KIAA1217: variants seen among roughly 807,000 people sequenced by gnomAD.
The protein encoded by KIAA1217 is sickle tail protein homolog.
A neutral mutation model predicts 163.9 loss-of-function variants in KIAA1217; 88 were observed. The ratio of observed to expected loss-of-function variants is 0.54; its 90% confidence interval spans 0.45 to 0.64. The LOEUF (loss-of-function observed/expected upper bound fraction) is 0.64. Ranked by LOEUF, KIAA1217 falls within the 30% of genes least tolerant of loss-of-function variation. The pLI, the probability that KIAA1217 is intolerant of heterozygous loss-of-function variation, is 0.00. For missense variants in KIAA1217, 2,372 were observed against 2,475.0 expected (o/e 0.96, Z 0.88); for synonymous variants, 903 against 923.1 (o/e 0.98, Z 0.39).
At chr10:24,075,125 C>A (rs1160129841) in intron 2 of KIAA1217, among the ~76,000 whole-genome samples, 1 of 117,294 alleles carries the variant, frequency 8.5e-6, no homozygotes, top group Non-Finnish European at 1.6e-5. Flanking sequence ...TAAATACACA[C>A]ACACACACAC....
intron 2 of KIAA1217, among the ~76,000 whole-genome samples, chr10:24,075,119 T>TACACACACACACACACACAC (rs71397929): frequency 4.6e-5 from 6 of 131,564 alleles, no homozygotes; most frequent in African/African-American, 1.6e-4. Context: ...TCCCCCTAAA[T>TACACACACACACACACACAC]ACACACACAC....
chr10:23,930,358 T>A (rs953695240), intron 1 of KIAA1217, among the ~76,000 whole-genome samples: 4 of 152,204 alleles, frequency 2.6e-5, no homozygotes, highest in Non-Finnish European at 4.4e-5. Flanking sequence ...TGTTTCTATG[T>A]CATCTTATAT....
chr10:23,770,064 C>G (rs1195791234), intron 1 of KIAA1217, among the ~76,000 whole-genome samples: 1 of 152,224 alleles, frequency 6.6e-6, no homozygotes, highest in African/African-American at 2.4e-5. Flanking sequence ...CTATCCTTCT[C>G]CATGTACAAT....
At chr10:24,142,537 C>A (rs1380689603) in intron 2 of KIAA1217, among the ~76,000 whole-genome samples, 1 of 152,120 alleles carries the variant, frequency 6.6e-6, no homozygotes, top group African/African-American at 2.4e-5. Flanking sequence ...GCACTAAAAT[C>A]CCAGACTTCA....
At chr10:24,137,764 T>C (rs10764449) in intron 2 of KIAA1217, among the ~76,000 whole-genome samples, 47,423 of 152,052 alleles carry the variant, frequency 0.31, 7,958 homozygotes, top group East Asian at 0.45. Context: ...AAGTATGAAG[T>C]GCTAATGCTT....
At chr10:24,032,610 C>A (rs1050417335) in intron 2 of KIAA1217, among the ~76,000 whole-genome samples, 13 of 152,162 alleles carry the variant, frequency 8.5e-5, no homozygotes, top group African/African-American at 3.1e-4. Flanking sequence ...TAAAGAGAGA[C>A]AGGAGCCTCG....
intron 1 of KIAA1217, among the ~76,000 whole-genome samples, chr10:23,819,398 AC>A (rs1264399881): frequency 6.6e-6 from 1 of 152,098 alleles, no homozygotes; most frequent in Non-Finnish European, 1.5e-5. Context: ...TTCAGGATCA[AC>A]CTTGAACCTG....
At chr10:24,119,548 G>T (rs896902672) in intron 2 of KIAA1217, among the ~76,000 whole-genome samples, 2 of 152,204 alleles carry the variant, frequency 1.3e-5, no homozygotes, top group Non-Finnish European at 2.9e-5. Flanking sequence ...AGCTACAGCT[G>T]TGTGTGTCTT....
At chr10:23,696,851 G>A (rs1348210762) in intron 1 of KIAA1217, among the ~76,000 whole-genome samples, 2 of 152,146 alleles carry the variant, frequency 1.3e-5, no homozygotes, top group East Asian at 1.9e-4. Context: ...GCACATAGTA[G>A]GTCATCAGCA....
intron 2 of KIAA1217, among the ~76,000 whole-genome samples, chr10:24,377,425 G>A (rs187784304): frequency 1.2e-4 from 19 of 152,212 alleles, no homozygotes; most frequent in African/African-American, 4.6e-4. Flanking sequence ...AGCAGCTTAG[G>A]GTAGCAGCTT....
chr10:24,280,279 C>T (rs1389012286), intron 2 of KIAA1217, among the ~76,000 whole-genome samples: 2 of 152,034 alleles, frequency 1.3e-5, no homozygotes, highest in East Asian at 1.9e-4. Context: ...AATAGGGGTC[C>T]GTATTTTAAG....
At chr10:24,356,875 C>T (rs996623849) in intron 2 of KIAA1217, among the ~76,000 whole-genome samples, 13 of 152,160 alleles carry the variant, frequency 8.5e-5, no homozygotes, top group African/African-American at 2.7e-4. Context: ...CAACATGATA[C>T]GGACTAAAAC....
intron 5 of KIAA1217, among the ~76,000 whole-genome samples, chr10:24,451,047 C>G (rs997729453): frequency 2.0e-5 from 3 of 152,102 alleles, no homozygotes; most frequent in African/African-American, 7.2e-5. Context: ...ATCCAGGGAC[C>G]TGGTTACAAC....
chr10:24,134,862 C>A (rs1039464169), intron 2 of KIAA1217, among the ~76,000 whole-genome samples: 3 of 152,140 alleles, frequency 2.0e-5, no homozygotes, highest in Admixed American at 6.5e-5. Context: ...CAGGTGTGAG[C>A]TACCACGCCC....
At chr10:24,450,012 G>T (rs1212351780) in intron 5 of KIAA1217, among the ~76,000 whole-genome samples, 1 of 152,088 alleles carries the variant, frequency 6.6e-6, no homozygotes, top group Non-Finnish European at 1.5e-5. Flanking sequence ...AAATCTTGTG[G>T]TCTAGTTTCT....
Position 24,543,740 on chromosome 10 carries a change from T to C in KIAA1217, c.4470T>C (p.Asp1490=), listed in dbSNP as rs1233397690. ...IEEEEEEENG[D]SVVQNNNTSQ... ...AGGAGGAAGAGGAGGAAAATGGGGA[T>C]TCTGTAGTCCAGAATAATAACACTT... Residue 1490 remains aspartate (D), a synonymous_variant, in exon 19 of 21, where the codon GAT becomes GAC. Transcript: ENST00000376454. 1 of 1,613,370 alleles carries C rather than the reference T, an allele frequency of 6.2e-7. No individual in the cohort carries two copies. Among genetic ancestry groups the C allele is most frequent in the Non-Finnish European group, 8.5e-7 (1 of 1,179,754 alleles).
At position 24,457,803 on chromosome 10, in the gene KIAA1217, C is replaced by T. The variant is rs141716355; in HGVS notation, c.847-15425C>T. On this transcript the variant is annotated intron_variant, in intron 5 of 20. Transcript: ENST00000376454. ...GGAAGTCTTTCCTTCCTGGAGGCAACGGGTAAGAAGAGCAACTAGACAGTG... is the reference window on the plus strand; with the variant it reads ...GGAAGTCTTTCCTTCCTGGAGGCAATGGGTAAGAAGAGCAACTAGACAGTG... Among the ~76,000 whole-genome samples, 318 of 152,162 alleles carry T rather than the reference C, an allele frequency of 2.1e-3. 1 individual carries two copies. The highest frequency in any genetic ancestry group is 7.1e-3 in the African/African-American group (293 of 41,502).
At chr10:24,511,945 A>G (rs889390442) in intron 9 of KIAA1217, among the ~76,000 whole-genome samples, 4 of 152,178 alleles carry the variant, frequency 2.6e-5, no homozygotes, top group South Asian at 4.1e-4. Flanking sequence ...CCTACGAGCT[A>G]TGAGATATTA....
At chr10:24,219,234 C>T (rs1008837280) in intron 1 of KIAA1217, among the ~76,000 whole-genome samples, 3 of 152,124 alleles carry the variant, frequency 2.0e-5, no homozygotes, top group African/African-American at 4.8e-5. Context: ...TTGCCTCAGC[C>T]TCCCGAGAAG....
Sources: allele counts gnomAD v4.1 joint callset (sites outside exome capture counted in the v4.1 genomes callset), GRCh38; gene constraint gnomAD v4.1.1; transcripts MANE v1.5; gene names NCBI Gene and HGNC (gene_info 2026-07-23, HGNC 2026-07-21).